Variants in KCTD1 observed in about 807,000 individuals in gnomAD.
KCTD1 encodes the protein BTB/POZ domain-containing protein KCTD1.
A neutral mutation model predicts 66.0 loss-of-function variants in KCTD1; 24 were observed. The ratio of observed to expected loss-of-function variants is 0.36; its 90% CI spans 0.26 to 0.51. The LOEUF (loss-of-function observed/expected upper bound fraction) is 0.51, where lower values mean the gene tolerates loss of function less well. Ranked by LOEUF, KCTD1 falls within the 20% of genes least tolerant of loss-of-function variation. The pLI, the probability that KCTD1 is intolerant of heterozygous loss-of-function variation, is 0.95. For synonymous variants in KCTD1, 511 were observed against 517.2 expected, an observed-to-expected ratio of 0.99 and a Z score of 0.16; for missense variants, 943 against 1,205.2, an observed-to-expected ratio of 0.78 and a Z score of 3.22.
chr18:26,548,057 C>T lies in KCTD1; in HGVS notation c.480G>A (p.Leu160=), dbSNP rs1424146687. The change falls in exon 1 of 5, where the codon CTG becomes CTA. Residue 160 remains leucine (L), a synonymous_variant. Coordinates refer to ENST00000580059, the MANE Select transcript of KCTD1 (RefSeq NM_001142730.3). ...GDGSELDPDV[L]QRPERARLSE... Reference sequence around the variant, plus strand: ...TCAGCCGGGCCCGCTCGGGGCGCTGCAGCACGTCGGGGTCCAGCTCGGAGC... The same window carrying T: ...TCAGCCGGGCCCGCTCGGGGCGCTGTAGCACGTCGGGGTCCAGCTCGGAGC... 6.7e-7 allele frequency: 1 copy of T among 1,498,938 alleles called. No homozygotes were observed. 92.9% of individuals were successfully genotyped at this position (1,498,938 alleles called of 1,614,324 possible).
At chr18:26,528,446 A>G (rs2144767801) in intron 1 of KCTD1, among the ~76,000 whole-genome samples, 1 of 152,318 alleles carries the variant, frequency 6.6e-6, no homozygotes, top group South Asian at 2.1e-4. Context: ...GGATCCTGCC[A>G]TGCCTATACT....
At chr18:26,543,583 C>G (rs1020863319) in intron 1 of KCTD1, 1 of 152,278 alleles carries the variant, frequency 6.6e-6, no homozygotes, top group South Asian at 2.1e-4. Flanking sequence ...ACTGTGTCAG[C>G]CTGCTTGCAG....
rs187685729 is a variant in KCTD1 at position 26,635,451 on chromosome 18, G to A, written c.-107+4860C>T. Among the ~76,000 whole-genome samples the A allele has an allele frequency of 2.6e-5, 4 of 152,330 alleles. No homozygotes were observed. The East Asian group carries it at 7.7e-4, about 29-fold the overall frequency. On this transcript the variant is annotated intron_variant, in intron 1 of 5. Transcript: ENST00000579973. ...CCCAGACCTGGTCGTGCTCCTGCGC[G>A]CTTGGCGTGCCCACACCCATGGCTG... is the stretch of plus-strand genomic sequence containing the variant.
At chr18:26,480,886 C>T (rs1217305174) in intron 2 of KCTD1, among the ~76,000 whole-genome samples, 1 of 152,206 alleles carries the variant, frequency 6.6e-6, no homozygotes, top group African/African-American at 2.4e-5. Flanking sequence ...TCTCCACTCT[C>T]CCTGGCATCG....
chr18:26,511,206 G>A (rs771528196), intron 1 of KCTD1, among the ~76,000 whole-genome samples: 28 of 152,300 alleles, frequency 1.8e-4, no homozygotes, highest in Non-Finnish European at 3.2e-4. Flanking sequence ...TAAACTTAGG[G>A]ATAATACTTC....
chr18:26,578,511 T>A (rs1379522759), intron 1 of KCTD1, among the ~76,000 whole-genome samples: 4 of 152,226 alleles, frequency 2.6e-5, no homozygotes, highest in Non-Finnish European at 4.4e-5. Context: ...CTCATTTTTT[T>A]AATAAAATTG....
Position 26,546,614 on chromosome 18 carries a change from A to G in KCTD1, c.1809+114T>C, listed in dbSNP as rs559854673. 31 of 1,221,240 alleles carry G rather than the reference A, an allele frequency of 2.5e-5. 1 individual carries two copies. In the South Asian group the frequency reaches 4.6e-4, roughly 18 times the overall value. 75.7% of individuals were successfully genotyped at this position (1,221,240 alleles called of 1,614,324 possible). A position where few individuals can be genotyped will look rare whatever the true frequency, so the allele number is the denominator to read the frequency against. ...CTAAGGGTGAAACGAAATCCGATTC[A>G]GTACATTACCTACTTTTTAAAACTT... On this transcript the variant is annotated intron_variant, in intron 1 of 4. Transcript: ENST00000580059.
chr18:26,498,422 C>T (rs572111348), intron 2 of KCTD1, among the ~76,000 whole-genome samples: 3 of 149,586 alleles, frequency 2.0e-5, no homozygotes, highest in South Asian at 2.2e-4. Flanking sequence ...CATAGTTCAG[C>T]GCTGTCCAAC....
intron 1 of KCTD1, among the ~76,000 whole-genome samples, chr18:26,621,343 A>G (rs1034229711): frequency 4.6e-5 from 7 of 152,134 alleles, no homozygotes; most frequent in Non-Finnish European, 1.5e-5. Flanking sequence ...GACACTGTCC[A>G]TAGACTACCT....
intron 1 of KCTD1, among the ~76,000 whole-genome samples, chr18:26,531,625 T>C (rs1435242132): frequency 6.6e-6 from 1 of 152,188 alleles, no homozygotes; most frequent in Non-Finnish European, 1.5e-5. Context: ...TTAGAAGCAT[T>C]TGATTTGCAG....
intron 1 of KCTD1, among the ~76,000 whole-genome samples, chr18:26,524,953 A>G (rs574329348): frequency 6.6e-6 from 1 of 152,276 alleles, no homozygotes; most frequent in East Asian, 1.9e-4. Context: ...CACTGTTTAT[A>G]TGTACTGCCT....
chr18:26,494,800 A>T (rs1438885357), intron 2 of KCTD1, among the ~76,000 whole-genome samples: 3 of 152,054 alleles, frequency 2.0e-5, no homozygotes, highest in Non-Finnish European at 4.4e-5. Flanking sequence ...TCCTCCATAA[A>T]CTAACTTTTT....
chr18:26,575,671 G>A (rs1341204907), intron 1 of KCTD1: 3 of 152,154 alleles, frequency 2.0e-5, no homozygotes, highest in African/African-American at 7.2e-5. Context: ...TCAAAGGAAG[G>A]CTCTGAACTA....
intron 1 of KCTD1, among the ~76,000 whole-genome samples, chr18:26,513,090 AT>A (rs571957643): frequency 2.0e-3 from 286 of 140,132 alleles, no homozygotes; most frequent in Middle Eastern, 3.6e-3. Context: ...TCCAGGGTGT[AT>A]TTTTTTTTTT....
At chr18:26,512,165 G>A (rs1315246652) in intron 1 of KCTD1, among the ~76,000 whole-genome samples, 3 of 151,740 alleles carry the variant, frequency 2.0e-5, no homozygotes, top group African/African-American at 7.3e-5. Flanking sequence ...GTGCAGTAGC[G>A]CGATCTTGGC....
intron 1 of KCTD1, among the ~76,000 whole-genome samples, chr18:26,522,211 G>A (rs1318621985): frequency 6.6e-6 from 1 of 152,154 alleles, no homozygotes; most frequent in Non-Finnish European, 1.5e-5. Context: ...TTACAAGGAG[G>A]TCATACAAGA....
At chr18:26,636,697 T>C (rs914483057) in intron 1 of KCTD1, among the ~76,000 whole-genome samples, 3 of 152,200 alleles carry the variant, frequency 2.0e-5, no homozygotes, top group Middle Eastern at 3.2e-3. Context: ...TGATCACCCA[T>C]GGCCCTGTGT....
Position 26,628,010 on chromosome 18 carries a change from A to G in KCTD1, c.-16+1137T>C, listed in dbSNP as rs191216108. Among the ~76,000 whole-genome samples, 62 of 152,302 alleles carry G rather than the reference A, an allele frequency of 4.1e-4. No individual in the cohort carries two copies. The East Asian group carries it at 0.011, about 28-fold the overall frequency. On this transcript the variant is annotated intron_variant, in intron 1 of 4. Coordinates refer to the KCTD1 transcript ENST00000317932. Reference sequence around the variant, plus strand: ...TGCCTTGGCCCCCACCCCAGTTCCCACCATGTGATCTGCCAGGAGTGGTGA... The same window carrying G: ...TGCCTTGGCCCCCACCCCAGTTCCCGCCATGTGATCTGCCAGGAGTGGTGA...
chr18:26,483,563 C>A (rs1014157478), intron 2 of KCTD1, among the ~76,000 whole-genome samples: 1 of 152,230 alleles, frequency 6.6e-6, no homozygotes, highest in African/African-American at 2.4e-5. Flanking sequence ...GCCACCACGC[C>A]CAGCCTGAGT....
Sources: gnomAD v4.1 joint callset for allele counts (sites outside exome capture counted in the v4.1 genomes callset) on GRCh38, gnomAD v4.1.1 for gene constraint, MANE v1.5 for transcripts, NCBI Gene and HGNC (gene_info 2026-07-23, HGNC 2026-07-21) for gene names.